The following MALRD1 variants were observed in gnomAD, a reference collection of about 807,000 sequenced individuals.
The protein encoded by MALRD1 is MAM and LDL-receptor class A domain-containing protein 1.
A neutral mutation model predicts 242.1 loss-of-function variants in MALRD1; 247 were observed. The ratio of observed to expected loss-of-function variants is 1.02; its 90% CI spans 0.92 to 1.13. The LOEUF (loss-of-function observed/expected upper bound fraction) is 1.13. Ranked by LOEUF, MALRD1 falls within the 50% of genes most tolerant of loss-of-function variation. MALRD1 has a pLI of 0.00. For missense variants in MALRD1, 2,989 were observed against 2,533.1 expected (o/e 1.18, Z -3.86); for synonymous variants, 995 against 866.6 (o/e 1.15, Z -2.60).
chr10:19,486,409 A>C (rs1233279877), intron 29 of MALRD1, among the ~76,000 whole-genome samples: 1 of 152,134 alleles, frequency 6.6e-6, no homozygotes, highest in African/African-American at 2.4e-5. Flanking sequence ...GACTTTTCTT[A>C]GATATGTTTC....
At chr10:19,442,729 T>A (rs1834736721) in intron 28 of MALRD1, among the ~76,000 whole-genome samples, 1 of 152,198 alleles carries the variant, frequency 6.6e-6, no homozygotes, top group South Asian at 2.1e-4. Context: ...GCCAGTATTT[T>A]ATTGAGGATT....
intron 34 of MALRD1, among the ~76,000 whole-genome samples, chr10:19,605,556 T>C (rs1589297824): frequency 6.6e-6 from 1 of 151,122 alleles, no homozygotes; most frequent in South Asian, 2.1e-4. Context: ...AGCGACCTGC[T>C]GTACTCACTG....
chr10:19,439,804 C>T (rs1337147670), intron 28 of MALRD1, among the ~76,000 whole-genome samples: 2 of 151,832 alleles, frequency 1.3e-5, no homozygotes, highest in Non-Finnish European at 2.9e-5. Context: ...TACTTTTTAT[C>T]CTCCTTCCCC....
intron 21 of MALRD1, among the ~76,000 whole-genome samples, chr10:19,297,409 TA>T (rs1229002499): frequency 6.6e-6 from 1 of 151,824 alleles, no homozygotes; most frequent in Non-Finnish European, 1.5e-5. Context: ...TTTAGGTAAC[TA>T]AAAAAATATT....
rs561966275 is a variant in MALRD1, at chr10:19,697,190, C to G, written c.6314+4636C>G. On this transcript the variant is annotated intron_variant, in intron 38 of 39. Coordinates refer to ENST00000454679, the MANE Select transcript of MALRD1 (RefSeq NM_001142308.3). ...GAGAGATTTAAGGAGTTGTCTCATGCAATTGTGGGGACTGGCAAGCTTGAA... is the reference window on the plus strand; with the variant it reads ...GAGAGATTTAAGGAGTTGTCTCATGGAATTGTGGGGACTGGCAAGCTTGAA... Among the ~76,000 whole-genome samples, 10 of 152,148 alleles carry G rather than the reference C, an allele frequency of 6.6e-5. No individual in the cohort carries two copies. In the South Asian group the frequency reaches 2.1e-3, roughly 32 times the overall value.
intron 32 of MALRD1, among the ~76,000 whole-genome samples, chr10:19,552,725 T>A (rs1485726337): frequency 1.3e-5 from 2 of 152,226 alleles, no homozygotes; most frequent in East Asian, 1.9e-4. Context: ...AAGAAAAAAA[T>A]TATTTTGTTT....
At chr10:19,132,464 T>C (rs574335644) in intron 8 of MALRD1, among the ~76,000 whole-genome samples, 84 of 152,224 alleles carry the variant, frequency 5.5e-4, no homozygotes, top group Non-Finnish European at 9.8e-4. Context: ...ATTTAGACTA[T>C]CTTCTGAAAT....
intron 36 of MALRD1, among the ~76,000 whole-genome samples, chr10:19,672,569 G>A (rs1474893250): frequency 6.6e-6 from 1 of 151,852 alleles, no homozygotes; most frequent in Non-Finnish European, 1.5e-5. Flanking sequence ...TATTACAGGT[G>A]CACACCACCA....
intron 18 of MALRD1, among the ~76,000 whole-genome samples, chr10:19,250,096 G>GA (rs145650681): frequency 3.3e-5 from 5 of 151,352 alleles, no homozygotes; most frequent in Admixed American, 6.6e-5. Context: ...AGTCTGATGG[G>GA]AAAAAAAATG....
At chr10:19,326,544 C>A (rs1255955547) in intron 22 of MALRD1, among the ~76,000 whole-genome samples, 1 of 151,506 alleles carries the variant, frequency 6.6e-6, no homozygotes, top group Non-Finnish European at 1.5e-5. Flanking sequence ...TTTTTCAATG[C>A]CTTTCAAAAT....
Position 19,719,215 on chromosome 10 carries a change from C to CATATATATAT in MALRD1, c.6315-11488_6315-11487insTATATATATA, listed in dbSNP as rs1366048990. The stretch of plus-strand genomic sequence containing the variant: ...ACATACATATATATATATATATACA[C>CATATATATAT]ATACATACATATATATATATATATA... On this transcript the variant is annotated intron_variant, in intron 38 of 39. Transcript: ENST00000454679. Among the ~76,000 whole-genome samples the CATATATATAT allele has an allele frequency of 8.3e-5, 7 of 84,286 alleles. 1 individual carries two copies. Among genetic ancestry groups the CATATATATAT allele is most frequent in the Non-Finnish European group, 1.3e-4 (6 of 45,878 alleles). 55.3% of individuals were successfully genotyped at this position (84,286 alleles called of 152,430 possible).
chr10:19,454,937 T>G (rs1030944762), intron 29 of MALRD1, among the ~76,000 whole-genome samples: 1 of 152,188 alleles, frequency 6.6e-6, no homozygotes, highest in African/African-American at 2.4e-5. Flanking sequence ...TTTATTTGCA[T>G]TCTGAATACA....
intron 26 of MALRD1, among the ~76,000 whole-genome samples, chr10:19,375,455 A>T (rs965600163): frequency 6.6e-6 from 1 of 152,112 alleles, no homozygotes; most frequent in Non-Finnish European, 1.5e-5. Flanking sequence ...AGAACAATAT[A>T]TTGGGCTTTA....
intron 28 of MALRD1, among the ~76,000 whole-genome samples, chr10:19,396,767 A>G (rs1484835494): frequency 1.3e-5 from 2 of 152,180 alleles, no homozygotes; most frequent in African/African-American, 4.8e-5. Flanking sequence ...ATAAATCTAT[A>G]GATGTATTCC....
intron 14 of MALRD1, among the ~76,000 whole-genome samples, chr10:19,197,851 G>A (rs543906690): frequency 1.7e-4 from 26 of 152,192 alleles, no homozygotes; most frequent in African/African-American, 6.0e-4. Context: ...AAATCCATGA[G>A]GACAGAGGTT....
At chr10:19,428,137 G>A (rs1206910187) in intron 28 of MALRD1, among the ~76,000 whole-genome samples, 1 of 151,736 alleles carries the variant, frequency 6.6e-6, no homozygotes, top group South Asian at 2.1e-4. Flanking sequence ...GTTTCTCCTT[G>A]GGGTGGGCAG....
chr10:19,287,778 A>G (rs1841199167), intron 21 of MALRD1, among the ~76,000 whole-genome samples: 1 of 152,108 alleles, frequency 6.6e-6, no homozygotes, highest in Non-Finnish European at 1.5e-5. Flanking sequence ...CTAACAATGC[A>G]TTTCTCAGAA....
At chr10:19,687,576 G>A (rs1482606417) in intron 36 of MALRD1, among the ~76,000 whole-genome samples, 3 of 152,116 alleles carry the variant, frequency 2.0e-5, no homozygotes, top group Admixed American at 1.3e-4. Flanking sequence ...CTCTATAGGA[G>A]CCTTCACCCT....
chr10:19,533,457 A>G (rs978229570), intron 32 of MALRD1, among the ~76,000 whole-genome samples: 11 of 152,262 alleles, frequency 7.2e-5, no homozygotes, highest in African/African-American at 2.4e-4. Flanking sequence ...GTATTAGATC[A>G]TTCTTGTGTT....
Sources: allele counts gnomAD v4.1 joint callset (sites outside exome capture counted in the v4.1 genomes callset), GRCh38; gene constraint gnomAD v4.1.1; transcripts MANE v1.5; gene names NCBI Gene and HGNC (gene_info 2026-07-23, HGNC 2026-07-21).